The following FIG4 variants were observed in gnomAD, a reference collection of about 807,000 sequenced individuals.
FIG4 encodes the protein polyphosphoinositide phosphatase.
In FIG4, 112 loss-of-function variants were observed where a neutral mutation model predicts 118.6. That is an observed-to-expected ratio of 0.94 (90% CI 0.81 to 1.11). The LOEUF is 1.11. Among genes scored for constraint, FIG4 ranks in the 50% least tolerant of loss-of-function variants. The pLI is 0.00. For synonymous variants in FIG4, 369 were observed against 381.2 expected (o/e 0.97, Z 0.37); for missense variants, 969 against 1,111.7 (o/e 0.87, Z 1.83).
intron 16 of FIG4, among the ~76,000 whole-genome samples, chr6:109,782,287 C>T (rs557541260): frequency 2.6e-5 from 4 of 152,196 alleles, no homozygotes; most frequent in Non-Finnish European, 4.4e-5. Flanking sequence ...TAAAGATTCC[C>T]CTATCTTGGG....
At chr6:109,727,682 T>G (rs1295276999) in intron 4 of FIG4, among the ~76,000 whole-genome samples, 1 of 152,144 alleles carries the variant, frequency 6.6e-6, no homozygotes, top group Non-Finnish European at 1.5e-5. Flanking sequence ...GACATTCTTA[T>G]CCAAATAATC....
intron 7 of FIG4, among the ~76,000 whole-genome samples, chr6:109,739,679 C>T (rs1332169157): frequency 6.6e-6 from 1 of 152,026 alleles, no homozygotes; most frequent in Non-Finnish European, 1.5e-5. Context: ...ACTGTGAGGC[C>T]CCACTCAGGC....
At position 109,704,476 on chromosome 6, in the gene FIG4, C is replaced by G. The variant is rs9372224; in HGVS notation, c.67-10602C>G. Among the ~76,000 whole-genome samples, 805 of 151,884 alleles carry G rather than the reference C, an allele frequency of 5.3e-3. 9 individuals are homozygous for G. The highest frequency in any genetic ancestry group is 0.019 in the African/African-American group (778 of 41,446). Reference sequence around the variant, plus strand: ...TTCAAGACCAGCCAGGCCAACATGGCGAAACCCTGTCTCTACTAAAAATAC... The same window carrying G: ...TTCAAGACCAGCCAGGCCAACATGGGGAAACCCTGTCTCTACTAAAAATAC... On this transcript the variant is annotated intron_variant, in intron 1 of 22. Coordinates refer to ENST00000230124, the MANE Select transcript of FIG4 (RefSeq NM_014845.6).
At chr6:109,779,890 C>A (rs1444041634) in intron 16 of FIG4, among the ~76,000 whole-genome samples, 1 of 152,226 alleles carries the variant, frequency 6.6e-6, no homozygotes, top group Non-Finnish European at 1.5e-5. Context: ...ATTAACCTCT[C>A]AACCTCATTT....
At chr6:109,737,180 T>G (rs1776183341) in intron 6 of FIG4, among the ~76,000 whole-genome samples, 1 of 152,206 alleles carries the variant, frequency 6.6e-6, no homozygotes. Flanking sequence ...GAAGGTGAGA[T>G]TATTCTCTTA....
At chr6:109,735,346 A>G (rs745391322) in intron 6 of FIG4, 48 bp downstream of exon 6, 3 of 1,521,686 alleles carry the variant, frequency 2.0e-6, no homozygotes, top group Non-Finnish European at 2.7e-6. Flanking sequence ...GTATCCATGA[A>G]GTGATATCTT....
At chr6:109,799,633 A>G (rs1287626349) in intron 22 of FIG4, among the ~76,000 whole-genome samples, 1 of 152,240 alleles carries the variant, frequency 6.6e-6, no homozygotes, top group East Asian at 1.9e-4. Flanking sequence ...TCTTGAAATC[A>G]TGAAGAAACC....
intron 16 of FIG4, among the ~76,000 whole-genome samples, chr6:109,777,798 T>G (rs1246503833): frequency 2.0e-5 from 3 of 152,144 alleles, no homozygotes; most frequent in Non-Finnish European, 4.4e-5. Context: ...CCTGAAGCAG[T>G]TTAGTGTGAT....
At chr6:109,774,407 TAAAC>T (rs1220031474) in intron 15 of FIG4, among the ~76,000 whole-genome samples, 2 of 152,230 alleles carry the variant, frequency 1.3e-5, no homozygotes, top group Admixed American at 6.5e-5. Flanking sequence ...AGAGTTGTTC[TAAAC>T]AAACATCTTT....
chr6:109,763,003 G>A (rs1245008701), intron 12 of FIG4, among the ~76,000 whole-genome samples: 3 of 152,210 alleles, frequency 2.0e-5, no homozygotes, highest in Non-Finnish European at 2.9e-5. Context: ...TCTCCTCAGT[G>A]GAGTTGCATA....
At chr6:109,771,294 G>T (rs560996666) in intron 15 of FIG4, among the ~76,000 whole-genome samples, 1 of 152,190 alleles carries the variant, frequency 6.6e-6, no homozygotes, top group South Asian at 2.1e-4. Context: ...AAGGACAACG[G>T]ACTGTCCTGT....
At chr6:109,747,259 A>G (rs1485410675) in intron 10 of FIG4, among the ~76,000 whole-genome samples, 2 of 152,054 alleles carry the variant, frequency 1.3e-5, no homozygotes, top group Non-Finnish European at 2.9e-5. Flanking sequence ...CATGGATGAG[A>G]TGCCCATGTG....
At chr6:109,724,803 TTGTGTG>T (rs60968865) in intron 3 of FIG4, among the ~76,000 whole-genome samples, 15 of 146,734 alleles carry the variant, frequency 1.0e-4, no homozygotes, top group South Asian at 8.6e-4. Context: ...TTATAATCCT[TTGTGTG>T]TGTGTGTGTG....
chr6:109,815,812 A>AG (rs1392907044), intron 22 of FIG4, among the ~76,000 whole-genome samples: 1 of 151,904 alleles, frequency 6.6e-6, no homozygotes, highest in African/African-American at 2.4e-5. Flanking sequence ...ACAAAAAAAA[A>AG]CAATAAAAAC....
At chr6:109,790,870 AAC>A (rs1778116216) in intron 19 of FIG4, among the ~76,000 whole-genome samples, 1 of 152,214 alleles carries the variant, frequency 6.6e-6, no homozygotes, top group Non-Finnish European at 1.5e-5. Context: ...GTTTACTAAT[AAC>A]ACAATAAAAT....
chr6:109,735,019 T>C (rs1159609850), intron 5 of FIG4, 131 bp from the exon 6 acceptor site: 1 of 773,624 alleles, frequency 1.3e-6, no homozygotes, highest in Non-Finnish European at 2.2e-6. Context: ...CTTATTTGAA[T>C]AGCATTGCTT....
Position 109,727,171 on chromosome 6 carries a change from G to A in FIG4, c.352G>A (p.Asp118Asn). 6.2e-7 allele frequency: 1 copy of A among 1,610,192 alleles called. No individual in the cohort carries two copies. Among genetic ancestry groups the A allele is most frequent in the Non-Finnish European group, 8.5e-7 (1 of 1,176,472 alleles). ...VLITKRRKMA[D>N]IGGHAIYKVE... Reference sequence around the variant, plus strand: ...AATAACTAAAAGGAGGAAGATGGCGGATATTGGAGGTCATGCAATCTATAA... The same window carrying A: ...AATAACTAAAAGGAGGAAGATGGCGAATATTGGAGGTCATGCAATCTATAA... Residue 118 changes from aspartate to asparagine, a missense_variant, in exon 4 of 23, where the codon GAT becomes AAT. By Grantham distance (23) the Asp-to-Asn change is conservative (BLOSUM62 1). Coordinates refer to ENST00000230124, the MANE Select transcript of FIG4 (RefSeq NM_014845.6).
chr6:109,797,431 C>A (rs1305762245), intron 22 of FIG4, among the ~76,000 whole-genome samples: 1 of 152,162 alleles, frequency 6.6e-6, no homozygotes, highest in East Asian at 1.9e-4. Context: ...ATAATGTACA[C>A]AAAGTGCTTA....
At chr6:109,702,703 T>C (rs183945814) in intron 1 of FIG4, among the ~76,000 whole-genome samples, 85 of 152,192 alleles carry the variant, frequency 5.6e-4, no homozygotes, top group African/African-American at 2.0e-3. Context: ...CTCCTTTCCC[T>C]ACCATTTGAA....
Sources: gnomAD v4.1 joint callset for allele counts (sites outside exome capture counted in the v4.1 genomes callset) on GRCh38, gnomAD v4.1.1 for gene constraint, MANE v1.5 for transcripts, NCBI Gene and HGNC (gene_info 2026-07-23, HGNC 2026-07-21) for gene names.